Variants in FGFR1 observed in about 807,000 individuals in gnomAD.
FGFR1 encodes the protein fibroblast growth factor receptor 1.
FGFR1 carries 18 observed loss-of-function variants against 93.7 expected under a neutral mutation model. The ratio of observed to expected loss-of-function variants is 0.19; its 90% CI spans 0.13 to 0.28. The LOEUF is 0.28. FGFR1 is among the 10% of genes least tolerant of loss of function. The probability of loss-of-function intolerance (pLI) is 1.00; values close to 1 mark genes in which losing one functional copy is unlikely to be tolerated. For synonymous variants in FGFR1, 448 were observed against 429.3 expected (o/e 1.04, Z -0.54); for missense variants, 731 against 1,080.4 (o/e 0.68, Z 4.53).
chr8:38,444,445 G>C (rs1236811103), intron 2 of FGFR1, among the ~76,000 whole-genome samples: 5 of 150,482 alleles, frequency 3.3e-5, no homozygotes, highest in Non-Finnish European at 7.4e-5. Context: ...CTAAAGAACA[G>C]TGCCATGATT....
At chr8:38,418,420 G>A (rs1286243251) in intron 9 of FGFR1, 47 bp from the exon 10 acceptor site, 11 of 1,591,968 alleles carry the variant, frequency 6.9e-6, no homozygotes, top group Non-Finnish European at 9.4e-6. Flanking sequence ...GGGGGACGGG[G>A]TGACTCCTTC....
intron 13 of FGFR1, 128 bp downstream of exon 13, chr8:38,415,742 C>T: frequency 1.1e-6 from 1 of 930,220 alleles, no homozygotes; most frequent in Non-Finnish European, 1.7e-6. Flanking sequence ...AGACAACACA[C>T]AGGGCACACA....
In FGFR1 at chr8:38,429,026, A is replaced by G; in HGVS notation, c.359-591T>C. Reference sequence around the variant, plus strand: ...ACGCTTGATACACATGTGGTCACCCATCAGGGTTCATGCCAGATCTTTCTC... The same window carrying G: ...ACGCTTGATACACATGTGGTCACCCGTCAGGGTTCATGCCAGATCTTTCTC... On this transcript the variant is annotated intron_variant, in intron 3 of 17. Coordinates refer to ENST00000447712, the MANE Select transcript of FGFR1 (RefSeq NM_023110.3). The surrounding 1 kb of genome is among the most constrained non-coding windows in gnomAD (Gnocchi z 4.4). 2.9e-6 allele frequency: 1 copy of G among 342,360 alleles called. No individual in the cohort carries two copies. The highest frequency in any genetic ancestry group is 4.0e-5 in the Admixed American group (1 of 25,172). The allele number at this position is 342,360 out of a possible 1,614,324, so 21.2% of individuals were successfully genotyped here. A position where few individuals can be genotyped will look rare whatever the true frequency, so the allele number is the denominator to read the frequency against.
intron 7 of FGFR1, chr8:38,423,290 G>T: frequency 3.6e-5 from 20 of 553,370 alleles, no homozygotes; most frequent in African/African-American, 4.0e-5. Context: ...TGTTAAGTGA[G>T]ATTTATTACC....
At chr8:38,425,774 G>C (rs1465402211) in intron 6 of FGFR1, among the ~76,000 whole-genome samples, 1 of 152,206 alleles carries the variant, frequency 6.6e-6, no homozygotes, top group Non-Finnish European at 1.5e-5. Context: ...GCATTACAGG[G>C]CAGGTATTTA....
At chr8:38,440,369 C>T in intron 2 of FGFR1, 2 of 1,597,510 alleles carry the variant, frequency 1.3e-6, no homozygotes, top group Non-Finnish European at 1.7e-6. Flanking sequence ...GTCACAGCTG[C>T]CATCCTACAA....
At chr8:38,461,321 C>T (rs556719953) in intron 1 of FGFR1, 75 of 582,602 alleles carry the variant, frequency 1.3e-4, no homozygotes, top group African/African-American at 1.2e-3. Context: ...AACTAGCTGA[C>T]GAATTCATGG....
intron 1 of FGFR1, among the ~76,000 whole-genome samples, chr8:38,459,772 T>C (rs1833907407): frequency 6.6e-6 from 1 of 152,158 alleles, no homozygotes; most frequent in Non-Finnish European, 1.5e-5. Context: ...AATAAGGGAT[T>C]GATCAAGCCT....
intron 2 of FGFR1, among the ~76,000 whole-genome samples, chr8:38,453,620 G>A (rs972086741): frequency 2.6e-5 from 4 of 152,144 alleles, no homozygotes; most frequent in Non-Finnish European, 5.9e-5. Flanking sequence ...AAGTTGGTTT[G>A]GCCAGGTGTG....
At chr8:38,414,942 G>A (rs765717436) in intron 13 of FGFR1, 41 bp from the exon 14 acceptor site, 1 of 1,586,676 alleles carries the variant, frequency 6.3e-7, no homozygotes, top group Non-Finnish European at 8.6e-7. Context: ...GGGGAGGTGA[G>A]GGAGCTGGAA....
In FGFR1 at chr8:38,468,231, C is replaced by A. The variant is rs917455330; in HGVS notation, c.-339G>T. ...GCGGGGGGAGGGCTCCCGTCCGCCA[C>A]CCGGGGTCTCCAGACCTTGTGCCCC... On this transcript the variant is annotated 5_prime_UTR_variant, in exon 1 of 18. Transcript: ENST00000447712. 5 of 228,440 alleles carry A rather than the reference C, an allele frequency of 2.2e-5. No homozygotes were observed. Among genetic ancestry groups the A allele is most frequent in the African/African-American group, 1.1e-4 (5 of 45,008 alleles). The allele number at this position is 228,440 out of a possible 1,614,324, so 14.2% of individuals were successfully genotyped here.
intron 4 of FGFR1, 79 bp downstream of exon 4, chr8:38,428,267 T>TC: frequency 6.6e-7 from 1 of 1,514,852 alleles, no homozygotes; most frequent in Non-Finnish European, 9.2e-7. Context: ...CTCCTCTTCC[T>TC]CCCCTTTCAG....
Position 38,415,899 on chromosome 8 carries a change from G to C in FGFR1, c.1825C>G (p.Arg609Gly), listed in dbSNP as rs121909639. Residue 609 changes from arginine (R) to glycine (G), a missense_variant, in exon 13 of 18, where the codon CGA (arginine) becomes GGA (glycine). Arg to Gly is a moderately radical substitution (Grantham distance 125). This residue lies in a region of FGFR1 where 44 missense variants were observed against 99.9 expected (regional missense o/e 0.44). Coordinates refer to ENST00000447712, the MANE Select transcript of FGFR1 (RefSeq NM_023110.3). ...DLVSCAYQVA[R>G]GMEYLASKKC... ...TTGGAGGCCAGATACTCCATGCCTCGGGCCACCTGGTAGGCGCAGGACACC... is the reference window on the plus strand; with the variant it reads ...TTGGAGGCCAGATACTCCATGCCTCCGGCCACCTGGTAGGCGCAGGACACC... The C allele has an allele frequency of 6.2e-7, 1 of 1,613,856 alleles. No homozygotes were observed. The highest frequency in any genetic ancestry group is 8.5e-7 in the Non-Finnish European group (1 of 1,180,008).
chr8:38,414,461 C>T (rs1815565090), intron 15 of FGFR1, 98 bp downstream of exon 15: 2 of 1,544,450 alleles, frequency 1.3e-6, no homozygotes, highest in Middle Eastern at 3.4e-4. Flanking sequence ...CTCTCTGGGG[C>T]AGAAAGAGGA....
chr8:38,417,058 C>T (rs1007067046), intron 12 of FGFR1, among the ~76,000 whole-genome samples: 4 of 152,204 alleles, frequency 2.6e-5, no homozygotes, highest in East Asian at 1.9e-4. Flanking sequence ...CCAGCCTGAG[C>T]GCTCTTAGAC....
At chr8:38,463,564 C>T (rs1275756250) in intron 1 of FGFR1, among the ~76,000 whole-genome samples, 1 of 151,994 alleles carries the variant, frequency 6.6e-6, no homozygotes, top group Non-Finnish European at 1.5e-5. Context: ...AGCATGTACA[C>T]AGGAGATGCC....
At chr8:38,464,049 T>TCG (rs1412143564) in intron 1 of FGFR1, among the ~76,000 whole-genome samples, 3 of 151,892 alleles carry the variant, frequency 2.0e-5, no homozygotes, top group Admixed American at 6.6e-5. Flanking sequence ...GCACAATGGC[T>TCG]CACACCTGTA....
chr8:38,440,210 A>T, intron 2 of FGFR1: 1 of 1,120,226 alleles, frequency 8.9e-7, no homozygotes, highest in Non-Finnish European at 1.3e-6. Context: ...AAAGCAACTT[A>T]AAAGGAGCAC....
intron 7 of FGFR1, chr8:38,423,276 G>C: frequency 1.5e-6 from 1 of 687,566 alleles, no homozygotes; most frequent in South Asian, 1.6e-5. Context: ...GGAGCGAAGG[G>C]AGATGTTAAG....
Sources: allele counts gnomAD v4.1 joint callset (sites outside exome capture counted in the v4.1 genomes callset), GRCh38; gene constraint gnomAD v4.1.1; regional missense constraint gnomAD v4.1.1; non-coding constraint Gnocchi (gnomAD v3.1); transcripts MANE v1.5; gene names NCBI Gene and HGNC (gene_info 2026-07-23, HGNC 2026-07-21).